Variants in PSD3 observed in about 807,000 individuals in gnomAD.
The protein encoded by PSD3 is pleckstrin and Sec7 domain containing 3, also known as PH and SEC7 domain-containing protein 3.
In PSD3, 49 loss-of-function variants were observed where a neutral mutation model predicts 105.5. The ratio of observed to expected loss-of-function variants is 0.46; its 90% CI spans 0.37 to 0.59. PSD3 has a LOEUF of 0.59. PSD3 is among the 20% of genes least tolerant of loss of function. The probability of loss-of-function intolerance (pLI) is 0.00; values close to 1 mark genes in which losing one functional copy is unlikely to be tolerated. For synonymous variants in PSD3, 557 were observed against 457.8 expected, an observed-to-expected ratio of 1.22 and a Z score of -2.77; for missense variants, 1,561 against 1,263.8, an observed-to-expected ratio of 1.24 and a Z score of -3.57.
At chr8:18,737,349 C>T (rs555199395) in intron 9 of PSD3, among the ~76,000 whole-genome samples, 5 of 152,236 alleles carry the variant, frequency 3.3e-5, no homozygotes, top group East Asian at 3.9e-4. Context: ...GTGCGTGTGA[C>T]GGGGTCTTAC....
Position 18,594,263 on chromosome 8 carries a change from T to C in PSD3, c.2481+6101A>G, listed in dbSNP as rs1364759077. Reference sequence around the variant, plus strand: ...ATTATTATATATATTATATAATATATATTATTATATATATTATATAATATA... The same window carrying C: ...ATTATTATATATATTATATAATATACATTATTATATATATTATATAATATA... On this transcript the variant is annotated intron_variant, in intron 12 of 15. Coordinates refer to ENST00000327040, the MANE Select transcript of PSD3 (RefSeq NM_015310.4). 1.7e-4 allele frequency among the ~76,000 whole-genome samples: 4 copies of C among 23,016 alleles called. 1 individual carries two copies. The allele number at this position is 23,016 out of a possible 152,430, so 15.1% of individuals were successfully genotyped here.
chr8:18,664,151 G>A (rs1237802987), intron 9 of PSD3, among the ~76,000 whole-genome samples: 1 of 152,172 alleles, frequency 6.6e-6, no homozygotes, highest in Admixed American at 6.5e-5. Context: ...CAAGTAAAAG[G>A]AAGAGTTGCA....
At chr8:18,988,736 T>C (rs904891821) in intron 1 of PSD3, among the ~76,000 whole-genome samples, 1 of 152,158 alleles carries the variant, frequency 6.6e-6, no homozygotes, top group Admixed American at 6.5e-5. Context: ...GTCCCCAAAC[T>C]TGGGGACTTT....
At chr8:18,788,073 C>G (rs1331277235) in intron 8 of PSD3, among the ~76,000 whole-genome samples, 1 of 152,114 alleles carries the variant, frequency 6.6e-6, no homozygotes. Flanking sequence ...GAAACAAGCC[C>G]CAGATGGATT....
chr8:18,983,777 T>C (rs1328273293), intron 1 of PSD3, among the ~76,000 whole-genome samples: 3 of 151,960 alleles, frequency 2.0e-5, no homozygotes, highest in Admixed American at 1.3e-4. Context: ...GGCAAGAGGA[T>C]TGCTTGAGTC....
At chr8:18,865,139 C>T (rs1387799334) in intron 4 of PSD3, 1 of 149,552 alleles carries the variant, frequency 6.7e-6, no homozygotes, top group African/African-American at 2.5e-5. Context: ...AGCCAGACAA[C>T]TTGAATTCTA....
At chr8:19,047,959 G>A (rs939318613) in intron 1 of PSD3, among the ~76,000 whole-genome samples, 4 of 151,838 alleles carry the variant, frequency 2.6e-5, no homozygotes, top group Non-Finnish European at 5.9e-5. Context: ...TTTTAATGAA[G>A]CAGCATGAAA....
intron 10 of PSD3, among the ~76,000 whole-genome samples, chr8:18,638,835 T>C (rs868521390): frequency 6.6e-6 from 1 of 152,042 alleles, no homozygotes. Flanking sequence ...GACTGTAAAA[T>C]ATAAAGTTAC....
chr8:18,855,315 C>T (rs1346398227), intron 4 of PSD3, among the ~76,000 whole-genome samples: 1 of 152,060 alleles, frequency 6.6e-6, no homozygotes, highest in African/African-American at 2.4e-5. Flanking sequence ...TAAATATATA[C>T]CCAGACTAGA....
intron 9 of PSD3, among the ~76,000 whole-genome samples, chr8:18,674,189 A>G (rs1441996693): frequency 6.6e-6 from 1 of 152,086 alleles, no homozygotes; most frequent in Non-Finnish European, 1.5e-5. Flanking sequence ...GCGGCTATCA[A>G]AGCAGGGGAG....
intron 1 of PSD3, among the ~76,000 whole-genome samples, chr8:19,044,076 C>A (rs896155671): frequency 1.3e-5 from 2 of 152,216 alleles, no homozygotes; most frequent in Non-Finnish European, 2.9e-5. Context: ...CCCACCTCAA[C>A]TCTGGTTCAG....
At chr8:18,725,809 C>G (rs1380696675) in intron 9 of PSD3, among the ~76,000 whole-genome samples, 1 of 152,042 alleles carries the variant, frequency 6.6e-6, no homozygotes, top group Non-Finnish European at 1.5e-5. Context: ...TAGGCAACTC[C>G]CGAAGAAACA....
At position 19,061,670 on chromosome 8, in the gene PSD3, T is replaced by G. The variant is rs1348412549; in HGVS notation, c.324+22536A>C. ...AAATACAAAAATTAGCCAGGTGTGG[T>G]GGGGTGTGCCTGTAATCCCAGCTAC... is the stretch of plus-strand genomic sequence containing the variant. On this transcript the variant is annotated intron_variant, in intron 1 of 1. Coordinates refer to the PSD3 transcript ENST00000521475. Among the ~76,000 whole-genome samples the G allele has an allele frequency of 3.3e-5, 5 of 151,962 alleles. No homozygotes were observed. The South Asian group carries it at 6.2e-4, about 19-fold the overall frequency.
chr8:18,815,559 C>G (rs1418884919), intron 4 of PSD3, among the ~76,000 whole-genome samples: 1 of 152,282 alleles, frequency 6.6e-6, no homozygotes. Flanking sequence ...GATCTCTCCA[C>G]CTCGGCCTCC....
intron 1 of PSD3, among the ~76,000 whole-genome samples, chr8:18,940,912 C>T (rs1822496950): frequency 1.3e-5 from 2 of 152,162 alleles, no homozygotes; most frequent in South Asian, 2.1e-4. Context: ...TCTGCCTTCT[C>T]CTTTGGTTTC....
At chr8:18,946,607 TAAA>T (rs1160094356) in intron 1 of PSD3, among the ~76,000 whole-genome samples, 2 of 150,252 alleles carry the variant, frequency 1.3e-5, no homozygotes, top group Non-Finnish European at 3.0e-5. Flanking sequence ...AATAATAAAA[TAAA>T]TAAAATTTTC....
intron 9 of PSD3, among the ~76,000 whole-genome samples, chr8:18,723,324 G>A (rs1191739385): frequency 6.6e-6 from 1 of 152,180 alleles, no homozygotes; most frequent in Non-Finnish European, 1.5e-5. Context: ...TTAGGAATGA[G>A]CTGTCATGCA....
chr8:18,594,167 C>CATATTATATAATATATATTATTATAT (rs1803842093), intron 12 of PSD3, among the ~76,000 whole-genome samples: 2 of 23,696 alleles, frequency 8.4e-5, no homozygotes, highest in African/African-American at 2.6e-4. Context: ...TTATTATATA[C>CATATTATATAATATATATTATTATAT]ATATTATATA....
chr8:18,558,219 T>C (rs1209384123), intron 14 of PSD3, among the ~76,000 whole-genome samples: 7 of 152,376 alleles, frequency 4.6e-5, no homozygotes, highest in Middle Eastern at 3.4e-3. Flanking sequence ...ATAGTTTTTA[T>C]TTCTTTCAAA....
Sources: allele counts gnomAD v4.1 joint callset (sites outside exome capture counted in the v4.1 genomes callset), GRCh38; gene constraint gnomAD v4.1.1; transcripts MANE v1.5; gene names NCBI Gene and HGNC (gene_info 2026-07-23, HGNC 2026-07-21).